ASIC2: variants seen among roughly 807,000 people sequenced by gnomAD.
ASIC2 encodes the protein acid-sensing ion channel 2.
In ASIC2, 25 loss-of-function variants were observed where a neutral mutation model predicts 57.3. The ratio of observed to expected loss-of-function variants is 0.44; its 90% CI spans 0.32 to 0.61. ASIC2 has a LOEUF of 0.61. Among genes scored for constraint, ASIC2 ranks in the 20% least tolerant of loss-of-function variants. The pLI is 0.06. For missense variants in ASIC2, 641 were observed against 738.1 expected (o/e 0.87, Z 1.52); for synonymous variants, 319 against 307.5 (o/e 1.04, Z -0.39).
chr17:33,757,011 A>G (rs1254812016), intron 1 of ASIC2, among the ~76,000 whole-genome samples: 1 of 152,222 alleles, frequency 6.6e-6, no homozygotes, highest in Non-Finnish European at 1.5e-5. Flanking sequence ...GGCTGCCAGC[A>G]TTCCTTGGCT....
chr17:33,408,700 C>T (rs1456204210), intron 1 of ASIC2, among the ~76,000 whole-genome samples: 1 of 152,174 alleles, frequency 6.6e-6, no homozygotes, highest in Admixed American at 6.5e-5. Flanking sequence ...AACAAACAAA[C>T]AGTAGATTTG....
At chr17:34,010,536 G>A (rs570408922) in intron 1 of ASIC2, among the ~76,000 whole-genome samples, 14 of 152,228 alleles carry the variant, frequency 9.2e-5, no homozygotes, top group African/African-American at 2.9e-4. Context: ...CTGTGTTGAC[G>A]TTGGCCTAGA....
At chr17:33,510,881 C>T (rs1567635147) in intron 1 of ASIC2, among the ~76,000 whole-genome samples, 5 of 152,144 alleles carry the variant, frequency 3.3e-5, no homozygotes, top group Admixed American at 2.6e-4. Flanking sequence ...GAACATGTCA[C>T]CCTGCTCTCT....
At chr17:33,209,434 C>T (rs1191341477) in intron 1 of ASIC2, among the ~76,000 whole-genome samples, 1 of 152,190 alleles carries the variant, frequency 6.6e-6, no homozygotes, top group Non-Finnish European at 1.5e-5. Flanking sequence ...TTTTCAGTCT[C>T]AGCACTATTG....
At chr17:33,928,854 A>G (rs1915874712) in intron 1 of ASIC2, among the ~76,000 whole-genome samples, 1 of 152,136 alleles carries the variant, frequency 6.6e-6, no homozygotes, top group South Asian at 2.1e-4. Context: ...GCAGCAAGTA[A>G]TAGTAGTAGA....
intron 1 of ASIC2, among the ~76,000 whole-genome samples, chr17:33,750,315 G>C (rs1020305689): frequency 6.6e-6 from 1 of 152,154 alleles, no homozygotes; most frequent in Non-Finnish European, 1.5e-5. Flanking sequence ...TAAATGAACA[G>C]ATTGCAAGGA....
chr17:33,533,477 G>A (rs1915124215), intron 1 of ASIC2: 1 of 152,084 alleles, frequency 6.6e-6, no homozygotes, highest in Non-Finnish European at 1.5e-5. Flanking sequence ...TGGCCATCCT[G>A]TTCTCTTGAC....
intron 1 of ASIC2, among the ~76,000 whole-genome samples, chr17:33,671,301 A>T (rs1034902289): frequency 6.6e-6 from 1 of 152,102 alleles, no homozygotes; most frequent in Non-Finnish European, 1.5e-5. Flanking sequence ...CCAGCATAGC[A>T]TTTAAAATCC....
chr17:33,661,060 GT>G (rs1465954621), intron 1 of ASIC2, among the ~76,000 whole-genome samples: 1 of 152,050 alleles, frequency 6.6e-6, no homozygotes, highest in Non-Finnish European at 1.5e-5. Context: ...CTCTGACTCT[GT>G]TTGACCCAGC....
At chr17:33,775,018 A>G (rs1227785527) in intron 1 of ASIC2, among the ~76,000 whole-genome samples, 1 of 152,244 alleles carries the variant, frequency 6.6e-6, no homozygotes, top group African/African-American at 2.4e-5. Flanking sequence ...TATCCAAAAG[A>G]GACATATCCT....
At chr17:33,779,844 A>G (rs1227080638) in intron 1 of ASIC2, among the ~76,000 whole-genome samples, 1 of 151,606 alleles carries the variant, frequency 6.6e-6, no homozygotes, top group African/African-American at 2.4e-5. Flanking sequence ...TGTGGCAGGG[A>G]CTCTTGCTAT....
At chr17:33,855,536 C>T (rs1018063575) in intron 1 of ASIC2, among the ~76,000 whole-genome samples, 1 of 152,110 alleles carries the variant, frequency 6.6e-6, no homozygotes, top group Admixed American at 6.5e-5. Context: ...GTGGAGAAGT[C>T]CCTAGATGCA....
chr17:33,105,592 A>G (rs1261599151), intron 2 of ASIC2, among the ~76,000 whole-genome samples: 3 of 152,218 alleles, frequency 2.0e-5, no homozygotes, highest in Non-Finnish European at 4.4e-5. Flanking sequence ...GAACTGGGTA[A>G]CAGGCAGCAG....
chr17:33,873,367 G>A (rs1322016359), intron 1 of ASIC2, among the ~76,000 whole-genome samples: 1 of 152,188 alleles, frequency 6.6e-6, no homozygotes, highest in Non-Finnish European at 1.5e-5. Flanking sequence ...TTGACTGGAG[G>A]AAAGCCTACT....
rs1202024367 is a variant in ASIC2 at position 33,041,628 on chromosome 17, C to T, written c.988-13236G>A. 2.6e-5 allele frequency among the ~76,000 whole-genome samples: 4 copies of T among 152,316 alleles called. No homozygotes were observed. The East Asian group carries it at 7.7e-4, about 29-fold the overall frequency. On this transcript the variant is annotated intron_variant, in intron 3 of 9. Transcript: ENST00000225823. ...TTCTAACCACTGGAATTGACAATTC[C>T]CCTTTGGCTAGGGCTGGCTTAAATG...
chr17:33,340,743 T>C (rs547647492), intron 1 of ASIC2, among the ~76,000 whole-genome samples: 96 of 152,192 alleles, frequency 6.3e-4, no homozygotes, highest in African/African-American at 2.2e-3. Context: ...TGTATATGTG[T>C]GTCTCTGTGT....
At chr17:33,218,647 G>T (rs1907587485) in intron 1 of ASIC2, among the ~76,000 whole-genome samples, 1 of 152,138 alleles carries the variant, frequency 6.6e-6, no homozygotes, top group African/African-American at 2.4e-5. Context: ...GGTGGGAGCA[G>T]GAGCATGACT....
intron 1 of ASIC2, among the ~76,000 whole-genome samples, chr17:33,594,806 C>T (rs905548651): frequency 1.4e-5 from 2 of 140,068 alleles, no homozygotes; most frequent in East Asian, 2.1e-4. Flanking sequence ...TCAGCCTGGG[C>T]GACAGAGGGA....
chr17:33,991,529 C>T (rs1016602973), intron 1 of ASIC2, among the ~76,000 whole-genome samples: 1 of 152,188 alleles, frequency 6.6e-6, no homozygotes, highest in African/African-American at 2.4e-5. Context: ...GAGTAAGGGT[C>T]TGCTGCATCC....
Sources: allele counts gnomAD v4.1 joint callset (sites outside exome capture counted in the v4.1 genomes callset), GRCh38; gene constraint gnomAD v4.1.1; transcripts MANE v1.5; gene names NCBI Gene and HGNC (gene_info 2026-07-23, HGNC 2026-07-21).